Variants in VWA3A observed in about 807,000 individuals in gnomAD.
VWA3A encodes the protein von Willebrand factor A domain containing 3A.
VWA3A carries 134 observed loss-of-function variants against 160.4 expected under a neutral mutation model. The ratio of observed to expected loss-of-function variants is 0.84; its 90% CI spans 0.73 to 0.96. VWA3A has a LOEUF of 0.96. Ranked by LOEUF, VWA3A falls within the 40% of genes least tolerant of loss-of-function variation. The pLI is 0.00. For missense variants in VWA3A, 1,310 were observed against 1,447.9 expected, an observed-to-expected ratio of 0.90 and a Z score of 1.55; for synonymous variants, 476 against 543.4, an observed-to-expected ratio of 0.88 and a Z score of 1.72.
At position 22,155,921 on chromosome 16, in the gene VWA3A, G is replaced by C; in HGVS notation, c.*14+5G>C. On this transcript the variant is annotated splice_donor_5th_base_variant and intron_variant, in intron 33 of 33. Transcript: ENST00000389398. ...TTCCTAGAGAAGTGTTCTCAGGTAA[G>C]GGGAGGGGCTAGACCCCATACTACC... 6.2e-7 allele frequency: 1 copy of C among 1,613,880 alleles called. No homozygotes were observed. Among genetic ancestry groups the C allele is most frequent in the Non-Finnish European group, 8.5e-7 (1 of 1,179,852 alleles).
At position 22,118,979 on chromosome 16, in the gene VWA3A, C is replaced by A. The variant is rs2045690099; in HGVS notation, c.1068C>A (p.Ala356=). 4.3e-6 allele frequency: 7 copies of A among 1,613,734 alleles called. No individual in the cohort carries two copies. The highest frequency in any genetic ancestry group is 1.6e-4 in the Middle Eastern group (1 of 6,084). Residue 356 remains alanine (A), a synonymous_variant, in exon 12 of 34, where the codon GCC becomes GCA. Coordinates refer to ENST00000389398, the MANE Select transcript of VWA3A (RefSeq NM_173615.5). ...AGAGCCTCCTCAGCCACGTGCAAGC[C>A]CTGCAGCACAGCAGCCCCTGTGAGG... The part of the protein sequence containing the change: ...KAQSLLSHVQ[A]LQHSSPCEAL...
chr16:22,135,146 T>C (rs1190122583), intron 21 of VWA3A, among the ~76,000 whole-genome samples: 1 of 152,214 alleles, frequency 6.6e-6, no homozygotes, highest in Non-Finnish European at 1.5e-5. Context: ...CAGGTCTCAC[T>C]AAACTGACTT....
rs769324559 is a variant in VWA3A at position 22,155,882 on chromosome 16, C to G, written c.3535C>G (p.Pro1179Ala). The G allele has an allele frequency of 6.2e-7, 1 of 1,613,970 alleles. No individual in the cohort carries two copies. The highest frequency in any genetic ancestry group is 1.7e-5 in the Admixed American group (1 of 60,020). ...ACTCCAGAAGAAAAATGATGCAGAA[C>G]CAAAGGTCACTCTTTCCTAGAGAAG... ...SQLQKKNDAE[P>A]KVTLS The change falls in exon 33 of 34, where the codon CCA becomes GCA. Residue 1179 changes from proline to alanine, a missense_variant. Transcript: ENST00000389398.
At chr16:22,115,832 G>A (rs990649925) in intron 9 of VWA3A, among the ~76,000 whole-genome samples, 20 of 88,262 alleles carry the variant, frequency 2.3e-4, no homozygotes, top group African/African-American at 6.1e-4. Context: ...GTGAGACCCA[G>A]GGAAGGAAGG....
chr16:22,120,756 G>A (rs1201188963), intron 12 of VWA3A, among the ~76,000 whole-genome samples: 1 of 152,106 alleles, frequency 6.6e-6, no homozygotes, highest in South Asian at 2.1e-4. Flanking sequence ...CTGTGAGAGC[G>A]AGTTGCTGGG....
chr16:22,110,481 C>T (rs1474667114), intron 7 of VWA3A, among the ~76,000 whole-genome samples: 1 of 152,118 alleles, frequency 6.6e-6, no homozygotes, highest in Non-Finnish European at 1.5e-5. Flanking sequence ...TCCAAAGATC[C>T]CCCAGGTGGA....
At chr16:22,127,352 C>T (rs2045868467) in intron 17 of VWA3A, among the ~76,000 whole-genome samples, 3 of 152,086 alleles carry the variant, frequency 2.0e-5, no homozygotes, top group African/African-American at 7.2e-5. Flanking sequence ...TCTTGAACTC[C>T]TAACCTCAAG....
At chr16:22,141,256 T>A (rs1403422471) in intron 23 of VWA3A, 1 of 519,144 alleles carries the variant, frequency 1.9e-6, no homozygotes, top group Admixed American at 2.3e-5. Flanking sequence ...CCAGGTAGAA[T>A]CATGCCCTGC....
In VWA3A at chr16:22,109,593, G is replaced by T. The variant is rs2141866786; in HGVS notation, c.582+13G>T. On this transcript the variant is annotated intron_variant, in intron 7 of 33. Transcript: ENST00000389398. ...AAAGGACCTCATGGTAAGTCTGTCTGGCACAGAGAAACACCTGGAACCACC... is the reference window on the plus strand; with the variant it reads ...AAAGGACCTCATGGTAAGTCTGTCTTGCACAGAGAAACACCTGGAACCACC... 1 of 1,611,356 alleles carries T rather than the reference G, an allele frequency of 6.2e-7. No individual in the cohort carries two copies. The highest frequency in any genetic ancestry group is 2.2e-5 in the East Asian group (1 of 44,874).
intron 8 of VWA3A, among the ~76,000 whole-genome samples, chr16:22,113,243 G>A (rs563317466): frequency 1.3e-5 from 2 of 151,314 alleles, no homozygotes; most frequent in South Asian, 4.2e-4. Flanking sequence ...CCAGGCTGGA[G>A]TGCAGTGGTG....
At chr16:22,110,399 G>A (rs1374126198) in intron 7 of VWA3A, among the ~76,000 whole-genome samples, 1 of 152,160 alleles carries the variant, frequency 6.6e-6, no homozygotes, top group Non-Finnish European at 1.5e-5. Context: ...CCCTGTTCCT[G>A]GTCTCAGTGG....
At position 22,099,742 on chromosome 16, in the gene VWA3A, C is replaced by T. The variant is rs138744282; in HGVS notation, c.226-452C>T. Among the ~76,000 whole-genome samples the T allele has an allele frequency of 7.9e-4, 120 of 152,298 alleles. 1 individual carries two copies. The highest frequency in any genetic ancestry group is 4.6e-3 in the South Asian group (22 of 4,820). On this transcript the variant is annotated intron_variant, in intron 3 of 33. Coordinates refer to ENST00000389398, the MANE Select transcript of VWA3A (RefSeq NM_173615.5). Reference sequence around the variant, plus strand: ...TGAGCTATGATCACACCGCTGCACTCCAGCCTGGGTGACAGAGTGAGGCCC... The same window carrying T: ...TGAGCTATGATCACACCGCTGCACTTCAGCCTGGGTGACAGAGTGAGGCCC...
chr16:22,139,327 C>G lies in VWA3A; in HGVS notation c.2292+815C>G, dbSNP rs189576922. Reference sequence around the variant, plus strand: ...GTGCCTCCTGAAACCAGGCCGGGTGCTCCCCAGACAGTGACTGTTTAATGA... The same window carrying G: ...GTGCCTCCTGAAACCAGGCCGGGTGGTCCCCAGACAGTGACTGTTTAATGA... On this transcript the variant is annotated intron_variant, in intron 22 of 33. Transcript: ENST00000389398. 2.5e-3 allele frequency among the ~76,000 whole-genome samples: 387 copies of G among 152,272 alleles called. 3 individuals carry two copies. The highest frequency in any genetic ancestry group is 8.2e-3 in the African/African-American group (341 of 41,556).
At chr16:22,130,375 G>A (rs976502085) in intron 17 of VWA3A, among the ~76,000 whole-genome samples, 33 of 152,124 alleles carry the variant, frequency 2.2e-4, no homozygotes, top group African/African-American at 5.6e-4. Context: ...GTAGAGAGGC[G>A]CGGGGCAGAG....
At position 22,153,178 on chromosome 16, in the gene VWA3A, T is replaced by C. The variant is rs554163637; in HGVS notation, c.3405+544T>C. ...CTGGCCAACATGGTGAAATGACGTC[T>C]GTACTAAAAATACAAAAATTAGCCA... On this transcript the variant is annotated intron_variant, in intron 31 of 33. Transcript: ENST00000389398. Among the ~76,000 whole-genome samples, 3 of 152,268 alleles carry C rather than the reference T, an allele frequency of 2.0e-5. No individual in the cohort carries two copies. In the South Asian group the frequency reaches 6.2e-4, roughly 32 times the overall value.
chr16:22,113,363 C>CTTTTTTTTTTTTTTTTGTTTTTTTTT (rs2045581434), intron 8 of VWA3A, among the ~76,000 whole-genome samples: 1 of 46,252 alleles, frequency 2.2e-5, no homozygotes, highest in African/African-American at 5.6e-5. Context: ...GGCTAATTTT[C>CTTTTTTTTTTTTTTTTGTTTTTTTTT]TTTTTTTTTT....
At chr16:22,147,166 G>A (rs2046268564) in intron 27 of VWA3A, among the ~76,000 whole-genome samples, 1 of 152,136 alleles carries the variant, frequency 6.6e-6, no homozygotes, top group Admixed American at 6.6e-5. Flanking sequence ...GAGACTACAG[G>A]CACGTGCCAC....
intron 21 of VWA3A, among the ~76,000 whole-genome samples, chr16:22,137,216 A>G (rs562947818): frequency 6.6e-6 from 1 of 152,324 alleles, no homozygotes; most frequent in South Asian, 2.1e-4. Context: ...TCACCTTTCC[A>G]GAGGATGCTT....
At chr16:22,102,305 C>T (rs994155288) in intron 5 of VWA3A, among the ~76,000 whole-genome samples, 5 of 152,052 alleles carry the variant, frequency 3.3e-5, no homozygotes, top group African/African-American at 7.2e-5. Flanking sequence ...GAGCCATGAT[C>T]GTACCACTGC....
Sources: gnomAD v4.1 joint callset for allele counts (sites outside exome capture counted in the v4.1 genomes callset) on GRCh38, gnomAD v4.1.1 for gene constraint, MANE v1.5 for transcripts, NCBI Gene and HGNC (gene_info 2026-07-23, HGNC 2026-07-21) for gene names.